Variants in FRMPD1 observed in about 807,000 individuals in gnomAD.
FRMPD1 encodes FERM and PDZ domain-containing protein 1.
FRMPD1 carries 76 observed loss-of-function variants against 117.8 expected under a neutral mutation model. That is an observed-to-expected ratio of 0.65 (90% CI 0.54 to 0.78). FRMPD1 has a LOEUF of 0.78. Among genes scored for constraint, FRMPD1 ranks in the 30% least tolerant of loss-of-function variants. The pLI is 0.00. For missense variants in FRMPD1, 1,786 were observed against 1,964.5 expected, an observed-to-expected ratio of 0.91 and a Z score of 1.72; for synonymous variants, 783 against 770.4, an observed-to-expected ratio of 1.02 and a Z score of -0.27.
At chr9:37,738,745 T>TG (rs1253260855) in intron 14 of FRMPD1, among the ~76,000 whole-genome samples, 1 of 151,888 alleles carries the variant, frequency 6.6e-6, no homozygotes, top group Non-Finnish European at 1.5e-5. Flanking sequence ...GGAGGGGTTG[T>TG]GGGGGGGACT....
chr9:37,622,251 T>C, the FRMPD1 span, among the ~76,000 whole-genome samples: 1,719 of 152,288 alleles, frequency 0.011, 34 homozygotes, highest in African/African-American at 0.038. Flanking sequence ...TGAATGTGAA[T>C]GCATGTTATA....
In FRMPD1 at chr9:37,745,329, T is replaced by A. The variant is rs764094477; in HGVS notation, c.3297T>A (p.Pro1099=). Reference sequence around the variant, plus strand: ...CAGGAGAGAAGATAGCTTCTATCCCTACAAAGGAAGAGCCACAAGGACAAC... The same window carrying A: ...CAGGAGAGAAGATAGCTTCTATCCCAACAAAGGAAGAGCCACAAGGACAAC... ...INPGEKIASI[P]TKEEPQGQLS... is the part of the protein sequence containing the mutation. The change falls in exon 16 of 16, where the codon CCT becomes CCA. Residue 1099 remains proline, a synonymous_variant. Transcript: ENST00000377765. 1 of 1,611,496 alleles carries A rather than the reference T, an allele frequency of 6.2e-7. No homozygotes were observed. Among genetic ancestry groups the A allele is most frequent in the Non-Finnish European group, 8.5e-7 (1 of 1,177,624 alleles).
chr9:37,603,493 G>A, the FRMPD1 span, among the ~76,000 whole-genome samples: 31 of 152,246 alleles, frequency 2.0e-4, 1 homozygote, highest in Middle Eastern at 3.4e-3. Context: ...ACAATAGTTC[G>A]ACCGCTGTGT....
chr9:37,605,723 T>C, the FRMPD1 span, among the ~76,000 whole-genome samples: 1 of 145,774 alleles, frequency 6.9e-6, no homozygotes, highest in Admixed American at 7.1e-5. Context: ...TATTTATTTA[T>C]TTACTGACTG....
intron 1 of FRMPD1, among the ~76,000 whole-genome samples, chr9:37,665,214 A>T (rs62534456): frequency 0.12 from 18,657 of 152,288 alleles, 1,193 homozygotes; most frequent in Middle Eastern, 0.18. Flanking sequence ...CTTTTCACAC[A>T]AAAAGACTGG....
intron 1 of FRMPD1, among the ~76,000 whole-genome samples, chr9:37,660,656 C>T (rs534163642): frequency 6.9e-4 from 105 of 152,352 alleles, no homozygotes; most frequent in African/African-American, 2.3e-3. Context: ...AATATCCCCA[C>T]ATCAAAATAT....
chr9:37,740,242 G>C lies in FRMPD1; in HGVS notation c.1714G>C (p.Gly572Arg), dbSNP rs1343021603. Residue 572 changes from glycine (G) to arginine (R), a missense_variant, in exon 15 of 16, where the codon GGC (glycine) becomes CGC (arginine). Transcript: ENST00000377765. This position sits in a 1 kb window ranked among gnomAD's most constrained non-coding sequence, Gnocchi z 4.2. Reference protein sequence around the residue: ...NSPTPEVARRGPSTCGASSTT... With the variant: ...NSPTPEVARRRPSTCGASSTT... ...CCCCACACCTGAGGTGGCTAGGAGG[G>C]GCCCCAGCACCTGCGGGGCCAGCAG... The C allele has an allele frequency of 6.2e-7, 1 of 1,613,962 alleles. No individual in the cohort carries two copies. Among genetic ancestry groups the C allele is most frequent in the Admixed American group, 1.7e-5 (1 of 60,020 alleles).
upstream of FRMPD1, among the ~76,000 whole-genome samples, chr9:37,648,666 G>C (rs1327730613): frequency 6.6e-6 from 1 of 152,156 alleles, no homozygotes; most frequent in African/African-American, 2.4e-5. Context: ...GTCCAGTAGA[G>C]TATGAAGGCC....
At chr9:37,610,208 C>T in the FRMPD1 span, among the ~76,000 whole-genome samples, 11 of 152,116 alleles carry the variant, frequency 7.2e-5, no homozygotes, top group South Asian at 2.1e-4. Flanking sequence ...TACATAGTTA[C>T]GGGATACATG....
chr9:37,721,835 C>A (rs1234297194), intron 6 of FRMPD1, among the ~76,000 whole-genome samples: 3 of 151,986 alleles, frequency 2.0e-5, no homozygotes, highest in African/African-American at 7.3e-5. Flanking sequence ...AACATTAAGC[C>A]CACCTAAAAA....
intron 1 of FRMPD1, among the ~76,000 whole-genome samples, chr9:37,659,478 G>A (rs980854118): frequency 3.9e-5 from 6 of 152,128 alleles, no homozygotes; most frequent in Admixed American, 2.6e-4. Flanking sequence ...ATGCTATGGC[G>A]AGTCCAGTGG....
intron 2 of FRMPD1, among the ~76,000 whole-genome samples, chr9:37,706,318 C>T (rs970172351): frequency 3.3e-5 from 5 of 152,140 alleles, no homozygotes; most frequent in Admixed American, 2.6e-4. Flanking sequence ...CTTGTTGAAA[C>T]TGGAGATCAT....
upstream of FRMPD1, among the ~76,000 whole-genome samples, chr9:37,646,664 T>C (rs1824146410): frequency 6.6e-6 from 1 of 152,240 alleles, no homozygotes; most frequent in Admixed American, 6.5e-5. Context: ...TCGAGGTTTT[T>C]TTAACCATAA....
At chr9:37,627,029 A>T in the FRMPD1 span, among the ~76,000 whole-genome samples, 19 of 152,222 alleles carry the variant, frequency 1.2e-4, no homozygotes, top group African/African-American at 4.3e-4. Context: ...AGTCATTGCC[A>T]GTTACTCCAC....
Position 37,745,324 on chromosome 9 carries a change from A to G in FRMPD1, c.3292A>G (p.Ile1098Val), listed in dbSNP as rs1261698759. The change falls in exon 16 of 16, where the codon ATC becomes GTC. Residue 1098 changes from isoleucine to valine, a missense_variant. Coordinates refer to ENST00000377765, the MANE Select transcript of FRMPD1 (RefSeq NM_014907.3). ...AAATCCAGGAGAGAAGATAGCTTCT[A>G]TCCCTACAAAGGAAGAGCCACAAGG... ...GINPGEKIASIPTKEEPQGQL... is the reference protein window; with the variant it reads ...GINPGEKIASVPTKEEPQGQL... 9 of 1,606,756 alleles carry G rather than the reference A, an allele frequency of 5.6e-6. No homozygotes were observed. The highest frequency in any genetic ancestry group is 5.5e-5 in the South Asian group (5 of 90,936).
intron 1 of FRMPD1, among the ~76,000 whole-genome samples, chr9:37,671,826 C>T (rs367977228): frequency 5.9e-5 from 9 of 152,162 alleles, no homozygotes; most frequent in African/African-American, 1.2e-4. Context: ...GTTAGCCGGG[C>T]GTGGTGGTGG....
At chr9:37,624,250 T>A in the FRMPD1 span, among the ~76,000 whole-genome samples, 1 of 152,246 alleles carries the variant, frequency 6.6e-6, no homozygotes, top group Non-Finnish European at 1.5e-5. Flanking sequence ...TCTTAGTTAC[T>A]GTCCTTTATT....
chr9:37,617,479 T>C, the FRMPD1 span, among the ~76,000 whole-genome samples: 3,486 of 152,358 alleles, frequency 0.023, 136 homozygotes, highest in African/African-American at 0.078. Flanking sequence ...ACTCACTTTA[T>C]AGAATTATTG....
In FRMPD1 at chr9:37,740,925, T is replaced by G; in HGVS notation, c.2356+41T>G. 1 of 1,483,272 alleles carries G rather than the reference T, an allele frequency of 6.7e-7. No individual in the cohort carries two copies. The allele number at this position is 1,483,272 out of a possible 1,614,324, so 91.9% of individuals were successfully genotyped here. On this transcript the variant is annotated intron_variant, in intron 15 of 15. Transcript: ENST00000377765. This position sits in a 1 kb window ranked among gnomAD's most constrained non-coding sequence, Gnocchi z 4.2. ...CAGGTCTGCAGACACGGCAGGCAGC[T>G]CCTGAGTGCCTCCCGGGGATCAAGG...
Sources: allele counts gnomAD v4.1 joint callset (sites outside exome capture counted in the v4.1 genomes callset), GRCh38; gene constraint gnomAD v4.1.1; non-coding constraint Gnocchi (gnomAD v3.1); transcripts MANE v1.5; gene names NCBI Gene and HGNC (gene_info 2026-07-23, HGNC 2026-07-21).